The following UBLCP1 variants were observed in gnomAD, a reference collection of about 807,000 sequenced individuals.
UBLCP1 encodes ubiquitin like domain containing CTD phosphatase 1.
UBLCP1 carries 28 observed loss-of-function variants against 42.4 expected under a neutral mutation model. That is an observed-to-expected ratio of 0.66 (90% CI 0.49 to 0.90). The LOEUF (loss-of-function observed/expected upper bound fraction) is 0.90, where lower values mean the gene tolerates loss of function less well. Ranked by LOEUF, UBLCP1 falls within the 40% of genes least tolerant of loss-of-function variation. The probability of loss-of-function intolerance (pLI) is 0.00; values close to 1 mark genes in which losing one functional copy is unlikely to be tolerated. For missense variants in UBLCP1, 279 were observed against 374.5 expected, an observed-to-expected ratio of 0.75 and a Z score of 2.10; for synonymous variants, 122 against 120.8, an observed-to-expected ratio of 1.01 and a Z score of -0.07.
chr5:159,284,869 A>AG (rs1753652131), intron 10 of UBLCP1, 35 bp from the exon 11 acceptor site: 2 of 1,611,288 alleles, frequency 1.2e-6, no homozygotes, highest in Non-Finnish European at 1.7e-6. Context: ...ATTTAGCATG[A>AG]TACAGCTTTG....
chr5:159,263,442 G>A (rs1562096846), intron 1 of UBLCP1, 82 bp downstream of exon 1: 1 of 152,464 alleles, frequency 6.6e-6, no homozygotes, highest in East Asian at 1.9e-4. Flanking sequence ...CGGCCCGCGC[G>A]GCGTGGCTTG....
chr5:159,270,557 G>C lies in UBLCP1; in HGVS notation c.362G>C (p.Arg121Thr). The change falls in exon 5 of 11, where the codon AGA (arginine) becomes ACA (threonine). Residue 121 changes from arginine (R) to threonine (T), a missense_variant. Transcript: ENST00000296786. ...REENLLKISR[R>T]VKEYKVEILN... Reference sequence around the variant, plus strand: ...GAAAACCTACTGAAAATTTCTCGCAGAGTGAAAGAGTACAAAGTGGAAATT... The same window carrying C: ...GAAAACCTACTGAAAATTTCTCGCACAGTGAAAGAGTACAAAGTGGAAATT... 3 of 1,611,034 alleles carry C rather than the reference G, an allele frequency of 1.9e-6. No homozygotes were observed. The highest frequency in any genetic ancestry group is 2.5e-6 in the Non-Finnish European group (3 of 1,179,064).
intron 1 of UBLCP1, among the ~76,000 whole-genome samples, chr5:159,267,977 T>C (rs1182841164): frequency 6.6e-6 from 1 of 151,616 alleles, no homozygotes; most frequent in African/African-American, 2.4e-5. Context: ...ATGCCTTAAC[T>C]CTTGTATGTT....
chr5:159,276,249 C>G (rs974628158), intron 8 of UBLCP1, among the ~76,000 whole-genome samples: 3 of 152,146 alleles, frequency 2.0e-5, no homozygotes, highest in Admixed American at 6.5e-5. Flanking sequence ...GATTGAGCCA[C>G]TGCACTCCAG....
intron 5 of UBLCP1, 48 bp downstream of exon 5, chr5:159,270,691 C>CT: frequency 8.6e-7 from 1 of 1,164,222 alleles, no homozygotes; most frequent in Non-Finnish European, 1.2e-6. Flanking sequence ...CACAACAACT[C>CT]TTTTTTTCTT....
At chr5:159,268,235 A>T (rs1753421570) in intron 1 of UBLCP1, among the ~76,000 whole-genome samples, 1 of 152,274 alleles carries the variant, frequency 6.6e-6, no homozygotes, top group African/African-American at 2.4e-5. Flanking sequence ...TGCCTGGAAC[A>T]TAGTAAGCTT....
chr5:159,281,003 TCAGTTTTTAAAAATGTA>T (rs1448309747), intron 9 of UBLCP1, among the ~76,000 whole-genome samples: 1 of 152,202 alleles, frequency 6.6e-6, no homozygotes, highest in Non-Finnish European at 1.5e-5. Flanking sequence ...ATCACTTAGA[TCAGTTTTTAAAAATGTA>T]CAGTAAACAG....
chr5:159,267,952 A>G (rs1035175319), intron 1 of UBLCP1, among the ~76,000 whole-genome samples: 2 of 152,204 alleles, frequency 1.3e-5, no homozygotes, highest in Non-Finnish European at 2.9e-5. Context: ...AAACAGACTA[A>G]TACACTGATC....
intron 6 of UBLCP1, 25 bp from the exon 7 acceptor site, chr5:159,274,560 T>C (rs1165384542): frequency 6.2e-7 from 1 of 1,601,806 alleles, no homozygotes; most frequent in Non-Finnish European, 8.5e-7. Context: ...TCATATGTAT[T>C]GTATTATCAT....
chr5:159,278,295 A>G lies in UBLCP1; in HGVS notation c.742A>G (p.Thr248Ala). 2 of 1,613,972 alleles carry G rather than the reference A, an allele frequency of 1.2e-6. No homozygotes were observed. The highest frequency in any genetic ancestry group is 1.7e-6 in the Non-Finnish European group (2 of 1,179,900). Residue 248 changes from threonine to alanine, a missense_variant, in exon 9 of 11, where the codon ACC becomes GCC. By Grantham distance (58) the Thr-to-Ala change is moderately conservative (BLOSUM62 0). Coordinates refer to ENST00000296786, the MANE Select transcript of UBLCP1 (RefSeq NM_145049.5). ...KFSEFYSKKN[T>A]IMFDDIGRNF... The stretch of plus-strand genomic sequence containing the variant: ...TTCGGAGTTTTACAGCAAGAAAAAC[A>G]CCATTATGTTTGATGACATAGGGAG...
intron 5 of UBLCP1, among the ~76,000 whole-genome samples, chr5:159,271,262 A>G (rs1471116226): frequency 1.3e-5 from 2 of 151,790 alleles, no homozygotes; most frequent in African/African-American, 4.8e-5. Flanking sequence ...GGAGTTGGAA[A>G]TCAACCTGGG....
At chr5:159,271,379 TG>T (rs1350446062) in intron 5 of UBLCP1, among the ~76,000 whole-genome samples, 3 of 152,124 alleles carry the variant, frequency 2.0e-5, no homozygotes, top group African/African-American at 7.2e-5. Context: ...GAGGATCACT[TG>T]AGCCCGGATT....
At chr5:159,280,009 G>A (rs1374184047) in intron 9 of UBLCP1, among the ~76,000 whole-genome samples, 2 of 152,090 alleles carry the variant, frequency 1.3e-5, no homozygotes, top group African/African-American at 2.4e-5. Context: ...CTTGATGCAG[G>A]GAGAGATGTT....
chr5:159,271,503 G>C (rs993744164), intron 5 of UBLCP1, among the ~76,000 whole-genome samples: 2 of 152,088 alleles, frequency 1.3e-5, no homozygotes, highest in Admixed American at 1.3e-4. Flanking sequence ...GAAAAAGAAA[G>C]ATGTTCCTTT....
chr5:159,282,557 A>G (rs1753620885), intron 9 of UBLCP1, among the ~76,000 whole-genome samples: 1 of 152,142 alleles, frequency 6.6e-6, no homozygotes, highest in Admixed American at 6.5e-5. Flanking sequence ...TTATTCTGAC[A>G]TGTGTGGTTT....
intron 6 of UBLCP1, among the ~76,000 whole-genome samples, chr5:159,273,783 G>A (rs1422977893): frequency 6.6e-6 from 1 of 151,328 alleles, no homozygotes; most frequent in Non-Finnish European, 1.5e-5. Context: ...ATGTGTGCAT[G>A]CTGAAGATTT....
chr5:159,278,301 A>T lies in UBLCP1; in HGVS notation c.748A>T (p.Met250Leu). 1 of 1,613,946 alleles carries T rather than the reference A, an allele frequency of 6.2e-7. No homozygotes were observed. The highest frequency in any genetic ancestry group is 8.5e-7 in the Non-Finnish European group (1 of 1,179,896). ...GTTTTACAGCAAGAAAAACACCATT[A>T]TGTTTGATGACATAGGGAGAAATTT... ...SEFYSKKNTI[M>L]FDDIGRNFLM... Residue 250 changes from methionine (M) to leucine (L), a missense_variant, in exon 9 of 11, where the codon ATG (methionine) becomes TTG (leucine). Transcript: ENST00000296786.
chr5:159,266,750 C>A (rs904901993), intron 1 of UBLCP1, among the ~76,000 whole-genome samples: 76 of 152,212 alleles, frequency 5.0e-4, no homozygotes, highest in African/African-American at 1.8e-3. Flanking sequence ...GTATCCCAGC[C>A]ACTCCAGCCA....
In UBLCP1 at chr5:159,263,973, G is replaced by T. The variant is rs909240759; in HGVS notation, c.-47+613G>T. ...TGTATAATGAGGACAACAGCTGTTG[G>T]TTCAGGATTGTGAAGCTTCAATGAG... On this transcript the variant is annotated intron_variant, in intron 1 of 10. Transcript: ENST00000296786. Among the ~76,000 whole-genome samples the T allele has an allele frequency of 5.3e-5, 8 of 152,170 alleles. No individual in the cohort carries two copies. In the South Asian group the frequency reaches 1.7e-3, roughly 32 times the overall value.
Sources: allele counts gnomAD v4.1 joint callset (sites outside exome capture counted in the v4.1 genomes callset), GRCh38; gene constraint gnomAD v4.1.1; transcripts MANE v1.5; gene names NCBI Gene and HGNC (gene_info 2026-07-23, HGNC 2026-07-21).